PCNX2: variants seen among roughly 807,000 people sequenced by gnomAD.
The protein encoded by PCNX2 is pecanex 2.
In PCNX2, 168 loss-of-function variants were observed where a neutral mutation model predicts 223.8. The observed-to-expected ratio is 0.75, with a 90% CI of 0.66 to 0.85. PCNX2 has a LOEUF of 0.85. PCNX2 is among the 40% of genes least tolerant of loss of function. PCNX2 has a pLI of 0.00. For missense variants in PCNX2, 2,507 were observed against 2,675.5 expected (o/e 0.94, Z 1.39); for synonymous variants, 1,006 against 1,052.6 (o/e 0.96, Z 0.86).
intron 22 of PCNX2, among the ~76,000 whole-genome samples, chr1:233,095,068 T>C (rs1221384977): frequency 2.0e-5 from 3 of 152,178 alleles, no homozygotes; most frequent in Middle Eastern, 3.2e-3. Context: ...TCTTCAAGAG[T>C]ATTTTTAAAG....
At chr1:233,302,754 A>G in the PCNX2 span, among the ~76,000 whole-genome samples, 3 of 152,164 alleles carry the variant, frequency 2.0e-5, no homozygotes, top group East Asian at 5.8e-4. Context: ...AATATTTTCT[A>G]ATTTCCATTA....
At chr1:233,244,469 G>C (rs982497249) in intron 8 of PCNX2, among the ~76,000 whole-genome samples, 20 of 152,124 alleles carry the variant, frequency 1.3e-4, no homozygotes, top group Non-Finnish European at 1.5e-5. Flanking sequence ...CAGAACTTTG[G>C]GAAGGTGAGG....
At chr1:233,270,001 T>A (rs1660563831) in intron 1 of PCNX2, among the ~76,000 whole-genome samples, 1 of 152,250 alleles carries the variant, frequency 6.6e-6, no homozygotes, top group Non-Finnish European at 1.5e-5. Flanking sequence ...GAGATTCTTT[T>A]CTGCTCATCC....
chr1:233,189,474 A>C (rs1156274324), intron 15 of PCNX2, among the ~76,000 whole-genome samples: 5 of 152,168 alleles, frequency 3.3e-5, no homozygotes, highest in African/African-American at 1.2e-4. Flanking sequence ...GGAGTAAATT[A>C]CTTAATCTCT....
At chr1:233,142,445 C>T (rs916314731) in intron 19 of PCNX2, among the ~76,000 whole-genome samples, 1 of 152,190 alleles carries the variant, frequency 6.6e-6, no homozygotes, top group African/African-American at 2.4e-5. Flanking sequence ...CCATGTCCTG[C>T]ATCCTGTGCT....
intron 21 of PCNX2, among the ~76,000 whole-genome samples, chr1:233,118,468 C>G (rs974870579): frequency 9.9e-6 from 1 of 100,922 alleles, no homozygotes. Flanking sequence ...TGGTTACCTA[C>G]ATAGAAAATC....
chr1:233,103,823 T>C (rs940634131), intron 21 of PCNX2, among the ~76,000 whole-genome samples: 5 of 152,216 alleles, frequency 3.3e-5, no homozygotes, highest in Non-Finnish European at 7.4e-5. Context: ...CTGGATCATA[T>C]GGAAACTCTA....
In PCNX2 at chr1:233,142,929, A is replaced by G. The variant is rs1677214715; in HGVS notation, c.3518-3074T>C. On this transcript the variant is annotated intron_variant, in intron 19 of 33. Coordinates refer to ENST00000258229, the MANE Select transcript of PCNX2 (RefSeq NM_014801.4). ...TTCCTCTGTCATCTCCTCTTCCCCTATCCCTGGTCATCTGCTTTCCTTCTC... is the reference window on the plus strand; with the variant it reads ...TTCCTCTGTCATCTCCTCTTCCCCTGTCCCTGGTCATCTGCTTTCCTTCTC... 2.0e-5 allele frequency among the ~76,000 whole-genome samples: 3 copies of G among 151,626 alleles called. No homozygotes were observed. In the South Asian group the frequency reaches 6.2e-4, roughly 32 times the overall value.
chr1:233,209,177 A>G (rs1195460891), intron 12 of PCNX2, among the ~76,000 whole-genome samples: 2 of 152,236 alleles, frequency 1.3e-5, no homozygotes, highest in East Asian at 3.8e-4. Context: ...GTATGAAGTT[A>G]TACCTGCAGA....
At chr1:233,321,451 C>A in the PCNX2 span, among the ~76,000 whole-genome samples, 2 of 152,106 alleles carry the variant, frequency 1.3e-5, no homozygotes, top group Admixed American at 6.5e-5. Context: ...GCGGGAGCCA[C>A]CATGCCTGCC....
At chr1:233,035,349 G>A (rs994777171) in intron 25 of PCNX2, among the ~76,000 whole-genome samples, 3 of 151,980 alleles carry the variant, frequency 2.0e-5, no homozygotes, top group Non-Finnish European at 4.4e-5. Context: ...AATCTAACTG[G>A]ATTCATAAAA....
intron 19 of PCNX2, among the ~76,000 whole-genome samples, chr1:233,142,268 G>C (rs1308689927): frequency 6.6e-6 from 1 of 152,104 alleles, no homozygotes. Flanking sequence ...TACAGTAGTA[G>C]AGTAGTAAAA....
chr1:233,281,185 T>C (rs1382897003), intron 1 of PCNX2, among the ~76,000 whole-genome samples: 1 of 152,222 alleles, frequency 6.6e-6, no homozygotes, highest in Non-Finnish European at 1.5e-5. Flanking sequence ...GTGTCAGGGA[T>C]TACTCAGGGA....
chr1:233,067,284 A>T (rs1334510951), intron 23 of PCNX2, among the ~76,000 whole-genome samples: 1 of 148,094 alleles, frequency 6.8e-6, no homozygotes, highest in Non-Finnish European at 1.5e-5. Context: ...TTATCTGACA[A>T]ATATTTTAAA....
chr1:233,000,325 G>A lies in PCNX2; in HGVS notation c.5308C>T (p.Leu1770=). Residue 1770 remains leucine (L), a synonymous_variant, in exon 30 of 34, where the codon CTG becomes TTG. Transcript: ENST00000258229. This position sits in a 1 kb window ranked among gnomAD's most constrained non-coding sequence, Gnocchi z 4.6. ...YKVIMLHRSF[L]SFKVIKVNKE... is the part of the protein sequence containing the mutation. ...CATACCTTGATCACCTTGAAGCTCA[G>A]GAAGCTTCTGTGGAGCATGATGACC... is the stretch of plus-strand genomic sequence containing the variant. 1 of 1,613,964 alleles carries A rather than the reference G, an allele frequency of 6.2e-7. No individual in the cohort carries two copies. The highest frequency in any genetic ancestry group is 8.5e-7 in the Non-Finnish European group (1 of 1,179,878).
chr1:233,080,385 TACACACACACACACAAACACACACAC>T (rs1332448532), intron 23 of PCNX2, among the ~76,000 whole-genome samples: 1 of 141,112 alleles, frequency 7.1e-6, no homozygotes, highest in Non-Finnish European at 1.5e-5. Context: ...TTTTCATCCA[TACACACACACACACAAACACACACAC>T]ACACACACAC....
chr1:233,234,807 TC>T (rs1290939242), intron 9 of PCNX2, among the ~76,000 whole-genome samples: 1 of 152,134 alleles, frequency 6.6e-6, no homozygotes, highest in Non-Finnish European at 1.5e-5. Context: ...CGGGCTTATC[TC>T]AGGGGAAAAT....
At chr1:233,208,108 A>C (rs1487094250) in intron 13 of PCNX2, among the ~76,000 whole-genome samples, 1 of 152,148 alleles carries the variant, frequency 6.6e-6, no homozygotes, top group East Asian at 1.9e-4. Flanking sequence ...GGCATGCGCC[A>C]ACATGCCTGG....
chr1:233,266,118 G>C (rs997754714), intron 1 of PCNX2, among the ~76,000 whole-genome samples: 1 of 152,170 alleles, frequency 6.6e-6, no homozygotes, highest in Admixed American at 6.5e-5. Flanking sequence ...GGGAGACAGA[G>C]ATTTTACTGA....
Sources: allele counts gnomAD v4.1 joint callset (sites outside exome capture counted in the v4.1 genomes callset), GRCh38; gene constraint gnomAD v4.1.1; non-coding constraint Gnocchi (gnomAD v3.1); transcripts MANE v1.5; gene names NCBI Gene and HGNC (gene_info 2026-07-23, HGNC 2026-07-21).